Variants in NUDT4 observed in about 807,000 individuals in gnomAD.
The protein encoded by NUDT4 is nudix hydrolase 4.
NUDT4 carries 5 observed loss-of-function variants against 23.1 expected under a neutral mutation model. The observed-to-expected ratio is 0.22, with a 90% CI of 0.11 to 0.46. The LOEUF is 0.46. Ranked by LOEUF, NUDT4 falls within the 20% of genes least tolerant of loss-of-function variation. The pLI is 0.99. For synonymous variants in NUDT4, 50 were observed against 79.0 expected (o/e 0.63, Z 1.95); for missense variants, 96 against 211.6 (o/e 0.45, Z 3.39).
Position 93,406,362 on chromosome 12 carries a change from A to G in NUDT4, c.*6983A>G, listed in dbSNP as rs1877819592. 6.7e-6 allele frequency: 1 copy of G among 149,720 alleles called. No individual in the cohort carries two copies. The highest frequency in any genetic ancestry group is 1.5e-5 in the Non-Finnish European group (1 of 67,736). 9.3% of individuals were successfully genotyped at this position (149,720 alleles called of 1,614,324 possible). On this transcript the variant is annotated 3_prime_UTR_variant, in exon 5 of 5. Transcript: ENST00000415493. The stretch of plus-strand genomic sequence containing the variant: ...CCTATTCCTATCATTTCCTCGATCC[A>G]ATTTAGTTCCACTTAGGTCACTGTG...
In NUDT4 at chr12:93,383,764, G is replaced by A. The variant is rs548624389; in HGVS notation, c.99+5343G>A. 2.0e-5 allele frequency among the ~76,000 whole-genome samples: 3 copies of A among 152,312 alleles called. No individual in the cohort carries two copies. In the South Asian group the frequency reaches 6.2e-4, roughly 32 times the overall value. On this transcript the variant is annotated intron_variant, in intron 1 of 4. Transcript: ENST00000415493. ...GGAGAATCCCTTGAACCCAGGAGGC[G>A]GGGCTTTCAGTGAGCTGAGATTGCG...
At chr12:93,379,623 T>C (rs1875501230) in intron 1 of NUDT4, among the ~76,000 whole-genome samples, 1 of 152,208 alleles carries the variant, frequency 6.6e-6, no homozygotes, top group African/African-American at 2.4e-5. Context: ...AATGGGTTGC[T>C]CTGTGCTCAC....
intron 4 of NUDT4, 104 bp from the exon 5 acceptor site, chr12:93,399,073 C>T (rs1490753766): frequency 1.2e-6 from 1 of 819,518 alleles, no homozygotes; most frequent in Non-Finnish European, 2.0e-6. Flanking sequence ...TATTCCCCAA[C>T]ATATTGTTGT....
intron 1 of NUDT4, among the ~76,000 whole-genome samples, chr12:93,382,708 GCTCTGTC>G (rs1032573347): frequency 1.8e-5 from 2 of 108,454 alleles, no homozygotes; most frequent in Non-Finnish European, 3.6e-5. Context: ...ACAGAGTCTC[GCTCTGTC>G]CTCCAGGCTG....
rs566972097 is a variant in NUDT4 at position 93,404,001 on chromosome 12, CTT to C, written c.*4623_*4624del. ...CAAATTCTGATAACCCGGTATTACT[CTT>C]AATGCATTTTTGTAACATTTGACAA... On this transcript the variant is annotated 3_prime_UTR_variant, in exon 5 of 5. Transcript: ENST00000415493. 240 of 152,336 alleles carry C rather than the reference CTT, an allele frequency of 1.6e-3. 2 individuals carry two copies. Among genetic ancestry groups the C allele is most frequent in the African/African-American group, 5.6e-3 (234 of 41,566 alleles). The allele number at this position is 152,336 out of a possible 1,614,324, so 9.4% of individuals were successfully genotyped here. A position where few individuals can be genotyped will look rare whatever the true frequency, so the allele number is the denominator to read the frequency against.
rs2121044229 is a variant in NUDT4, at chr12:93,407,353, A to G, written c.*7974A>G. On this transcript the variant is annotated 3_prime_UTR_variant, in exon 5 of 5. Coordinates refer to ENST00000415493, the MANE Select transcript of NUDT4 (RefSeq NM_019094.6). ...CATTAGAGTATATGGTCCCCAAAGG[A>G]AAGCCCCATGCCATTCACTCACCAC... 6.6e-6 allele frequency: 1 copy of G among 152,370 alleles called. No homozygotes were observed. The highest frequency in any genetic ancestry group is 2.1e-4 in the South Asian group (1 of 4,830). 9.4% of individuals were successfully genotyped at this position (152,370 alleles called of 1,614,324 possible).
intron 1 of NUDT4, among the ~76,000 whole-genome samples, chr12:93,394,030 G>A (rs770561712): frequency 6.6e-6 from 1 of 151,876 alleles, no homozygotes; most frequent in Non-Finnish European, 1.5e-5. Flanking sequence ...TTTTTGAGAT[G>A]GAGTCTCTGT....
At chr12:93,393,651 A>C (rs2120938858) in intron 1 of NUDT4, among the ~76,000 whole-genome samples, 1 of 152,336 alleles carries the variant, frequency 6.6e-6, no homozygotes, top group Admixed American at 6.5e-5. Context: ...TCTGGCTCAC[A>C]GACTGTACAG....
intron 1 of NUDT4, among the ~76,000 whole-genome samples, chr12:93,393,390 AC>A (rs1446882024): frequency 6.6e-6 from 1 of 152,110 alleles, no homozygotes; most frequent in Non-Finnish European, 1.5e-5. Context: ...GATGTGAGCC[AC>A]CACGCCCGGC....
In NUDT4 at chr12:93,403,615, G is replaced by A. The variant is rs1380447789; in HGVS notation, c.*4236G>A. 1 of 152,126 alleles carries A rather than the reference G, an allele frequency of 6.6e-6. No individual in the cohort carries two copies. The highest frequency in any genetic ancestry group is 6.5e-5 in the Admixed American group (1 of 15,276). The allele number at this position is 152,126 out of a possible 1,614,324, so 9.4% of individuals were successfully genotyped here. On this transcript the variant is annotated 3_prime_UTR_variant, in exon 5 of 5. Coordinates refer to ENST00000415493, the MANE Select transcript of NUDT4 (RefSeq NM_019094.6). ...ATTATGGGCGTGAACCACCGCACCT[G>A]GCCTATCTTGGTGTTTTTACATCCT...
rs75777994 is a variant in NUDT4 at position 93,405,620 on chromosome 12, C to T, written c.*6241C>T. ...ACTCTTGGAATATACCTGACTTCCA[C>T]GATAAAATGGAGATGAGTGCAGGGG... On this transcript the variant is annotated 3_prime_UTR_variant, in exon 5 of 5. Coordinates refer to ENST00000415493, the MANE Select transcript of NUDT4 (RefSeq NM_019094.6). 1.5e-4 allele frequency: 23 copies of T among 152,234 alleles called. No individual in the cohort carries two copies. Among genetic ancestry groups the T allele is most frequent in the African/African-American group, 4.8e-4 (20 of 41,522 alleles). 9.4% of individuals were successfully genotyped at this position (152,234 alleles called of 1,614,324 possible).
intron 1 of NUDT4, among the ~76,000 whole-genome samples, chr12:93,393,422 A>G (rs1876704457): frequency 6.6e-6 from 1 of 152,062 alleles, no homozygotes; most frequent in Non-Finnish European, 1.5e-5. Context: ...TCTTAATGCT[A>G]TTCTTGGTAA....
intron 1 of NUDT4, chr12:93,381,170 A>T (rs779964855): frequency 6.6e-6 from 1 of 152,164 alleles, no homozygotes; most frequent in Non-Finnish European, 1.5e-5. Context: ...AAGTATTAGT[A>T]TTTGTTTAGG....
In NUDT4 at chr12:93,405,374, A is replaced by T. The variant is rs1877748949; in HGVS notation, c.*5995A>T. 6.6e-6 allele frequency: 1 copy of T among 152,262 alleles called. No individual in the cohort carries two copies. The highest frequency in any genetic ancestry group is 6.5e-5 in the Admixed American group (1 of 15,288). 9.4% of individuals were successfully genotyped at this position (152,262 alleles called of 1,614,324 possible). A position where few individuals can be genotyped will look rare whatever the true frequency, so the allele number is the denominator to read the frequency against. On this transcript the variant is annotated 3_prime_UTR_variant, in exon 5 of 5. Coordinates refer to ENST00000415493, the MANE Select transcript of NUDT4 (RefSeq NM_019094.6). Reference sequence around the variant, plus strand: ...AAAATCATGTGATCAATTCAGTAGTAGAGACAGAGGTTGGTATCAAGTCTA... The same window carrying T: ...AAAATCATGTGATCAATTCAGTAGTTGAGACAGAGGTTGGTATCAAGTCTA...
intron 1 of NUDT4, among the ~76,000 whole-genome samples, chr12:93,392,512 C>A (rs1876618299): frequency 6.6e-6 from 1 of 151,724 alleles, no homozygotes; most frequent in South Asian, 2.1e-4. Flanking sequence ...CCACCTCAGC[C>A]TCCCAAAGTG....
rs893715556 is a variant in NUDT4, at chr12:93,406,919, A to T, written c.*7540A>T. On this transcript the variant is annotated 3_prime_UTR_variant, in exon 5 of 5. Coordinates refer to ENST00000415493, the MANE Select transcript of NUDT4 (RefSeq NM_019094.6). ...TGAGAGGATGAAGGATAACTAGAGC[A>T]GAAGCAAATCGCAGCGAAGTAGACT... is the stretch of plus-strand genomic sequence containing the variant. 1.3e-5 allele frequency: 2 copies of T among 152,258 alleles called. No individual in the cohort carries two copies. Among genetic ancestry groups the T allele is most frequent in the Admixed American group, 6.5e-5 (1 of 15,286 alleles). The allele number at this position is 152,258 out of a possible 1,614,324, so 9.4% of individuals were successfully genotyped here.
intron 1 of NUDT4, among the ~76,000 whole-genome samples, chr12:93,384,350 G>A (rs1407635716): frequency 2.0e-5 from 3 of 152,028 alleles, no homozygotes; most frequent in Non-Finnish European, 2.9e-5. Context: ...TGTATTTTTA[G>A]TAGAGACGGC....
chr12:93,385,944 TATATATATA>T (rs1876045643), intron 1 of NUDT4, among the ~76,000 whole-genome samples: 1 of 45,086 alleles, frequency 2.2e-5, no homozygotes, highest in Admixed American at 2.3e-4. Context: ...AATCTTTTTA[TATATATATA>T]TATATATATA....
At position 93,399,162 on chromosome 12, in the gene NUDT4, C is replaced by T; in HGVS notation, c.341-15C>T. On this transcript the variant is annotated splice_polypyrimidine_tract_variant and intron_variant, in intron 4 of 4. Coordinates refer to ENST00000415493, the MANE Select transcript of NUDT4 (RefSeq NM_019094.6). ...AAATGGACTGTCTTGTAACCAATGT[C>T]ATTCTTTTCTCTAGGAAGGAAGAGA... 1.3e-6 allele frequency: 2 copies of T among 1,597,656 alleles called. No individual in the cohort carries two copies. Among genetic ancestry groups the T allele is most frequent in the East Asian group, 4.5e-5 (2 of 44,812 alleles).
Sources: gnomAD v4.1 joint callset for allele counts (sites outside exome capture counted in the v4.1 genomes callset) on GRCh38, gnomAD v4.1.1 for gene constraint, MANE v1.5 for transcripts, NCBI Gene and HGNC (gene_info 2026-07-23, HGNC 2026-07-21) for gene names.